The following DIAPH3 variants were observed in gnomAD, a reference collection of about 807,000 sequenced individuals.
DIAPH3 encodes the protein diaphanous related formin 3, also known as protein diaphanous homolog 3.
Under a neutral mutation model 144.3 loss-of-function variants are expected in DIAPH3, and 117 were observed. The ratio of observed to expected loss-of-function variants is 0.81; its 90% CI spans 0.70 to 0.95. DIAPH3 has a LOEUF of 0.95. Among genes scored for constraint, DIAPH3 ranks in the 40% least tolerant of loss-of-function variants. The pLI is 0.00. For missense variants in DIAPH3, 1,421 were observed against 1,412.7 expected, an observed-to-expected ratio of 1.01 and a Z score of -0.09; for synonymous variants, 519 against 488.9, an observed-to-expected ratio of 1.06 and a Z score of -0.81.
At position 59,969,938 on chromosome 13, in the gene DIAPH3, A is replaced by C; in HGVS notation, c.2074+6T>G. Reference sequence around the variant, plus strand: ...AATTAATAAATAATCAAGATGTTAAACTTACCTTTTTGTTGGCAACAAAAT... The same window carrying C: ...AATTAATAAATAATCAAGATGTTAACCTTACCTTTTTGTTGGCAACAAAAT... On this transcript the variant is annotated splice_donor_region_variant and intron_variant, in intron 17 of 27. Coordinates refer to ENST00000400324, the MANE Select transcript of DIAPH3 (RefSeq NM_001042517.2). The C allele has an allele frequency of 6.4e-7, 1 of 1,555,144 alleles. No individual in the cohort carries two copies.
intron 4 of DIAPH3, among the ~76,000 whole-genome samples, chr13:60,081,069 A>G (rs2057542522): frequency 6.6e-6 from 1 of 151,946 alleles, no homozygotes; most frequent in Non-Finnish European, 1.5e-5. Flanking sequence ...CAGTGCTTGA[A>G]GTGATTTCCT....
chr13:59,934,432 G>A (rs1011477310), intron 17 of DIAPH3, among the ~76,000 whole-genome samples: 1 of 151,964 alleles, frequency 6.6e-6, no homozygotes, highest in African/African-American at 2.4e-5. Flanking sequence ...ATGACACAGA[G>A]AGAAGATAAT....
At chr13:59,740,113 A>G (rs2036373964) in intron 27 of DIAPH3, among the ~76,000 whole-genome samples, 1 of 152,130 alleles carries the variant, frequency 6.6e-6, no homozygotes, top group Non-Finnish European at 1.5e-5. Flanking sequence ...CACCATTCAC[A>G]TTTTTGATAA....
At chr13:59,934,019 G>A (rs957280508) in intron 17 of DIAPH3, among the ~76,000 whole-genome samples, 2 of 151,928 alleles carry the variant, frequency 1.3e-5, no homozygotes, top group African/African-American at 4.8e-5. Flanking sequence ...CTTTTTAGGA[G>A]TAAGATTTCA....
intron 27 of DIAPH3, among the ~76,000 whole-genome samples, chr13:59,681,832 G>A (rs993679223): frequency 6.6e-6 from 1 of 152,142 alleles, no homozygotes; most frequent in Non-Finnish European, 1.5e-5. Context: ...GAGCTCTGAT[G>A]CAAGCTCAAG....
intron 4 of DIAPH3, among the ~76,000 whole-genome samples, chr13:60,086,074 C>T (rs2057737500): frequency 6.6e-6 from 1 of 151,888 alleles, no homozygotes; most frequent in Admixed American, 6.6e-5. Context: ...TTAAAAAACG[C>T]TATAATAAAA....
At chr13:59,916,793 C>A (rs547410519) in intron 18 of DIAPH3, among the ~76,000 whole-genome samples, 5 of 152,196 alleles carry the variant, frequency 3.3e-5, no homozygotes, top group South Asian at 2.1e-4. Context: ...GCTAGGGAAA[C>A]CTTCACATGT....
chr13:59,750,627 A>T (rs562353164), intron 27 of DIAPH3, among the ~76,000 whole-genome samples: 2 of 152,308 alleles, frequency 1.3e-5, no homozygotes, highest in East Asian at 3.9e-4. Context: ...TAAGGAGAGG[A>T]GGGAGTTACC....
At chr13:59,685,428 G>T (rs893727525) in intron 27 of DIAPH3, among the ~76,000 whole-genome samples, 3 of 152,100 alleles carry the variant, frequency 2.0e-5, no homozygotes, top group African/African-American at 4.8e-5. Context: ...CCAAGTTCTT[G>T]CTGGCTATCA....
intron 22 of DIAPH3, among the ~76,000 whole-genome samples, chr13:59,858,234 C>G (rs920137778): frequency 5.9e-5 from 9 of 151,978 alleles, no homozygotes; most frequent in Non-Finnish European, 8.8e-5. Flanking sequence ...TTTAAAAAAG[C>G]AATGCATAGA....
intron 4 of DIAPH3, among the ~76,000 whole-genome samples, chr13:60,093,365 A>C (rs1330473434): frequency 6.6e-6 from 1 of 152,224 alleles, no homozygotes; most frequent in Non-Finnish European, 1.5e-5. Context: ...TAATTCACTA[A>C]CAAGGAAAGG....
chr13:60,099,663 C>T (rs916239836), intron 3 of DIAPH3, among the ~76,000 whole-genome samples: 1 of 152,156 alleles, frequency 6.6e-6, no homozygotes, highest in Non-Finnish European at 1.5e-5. Context: ...GGACCACTCT[C>T]GGCTTGCCAG....
intron 1 of DIAPH3, among the ~76,000 whole-genome samples, chr13:60,161,983 C>G (rs1315503537): frequency 6.6e-6 from 1 of 152,112 alleles, no homozygotes; most frequent in Non-Finnish European, 1.5e-5. Flanking sequence ...AAATTAGTTT[C>G]AAAGTACCAA....
At chr13:60,083,005 C>T (rs2137819404) in intron 4 of DIAPH3, among the ~76,000 whole-genome samples, 1 of 152,070 alleles carries the variant, frequency 6.6e-6, no homozygotes, top group Middle Eastern at 3.4e-3. Flanking sequence ...ACAAAAAGAA[C>T]AGTAAGTATC....
At chr13:59,724,564 T>C (rs2035514146) in intron 27 of DIAPH3, among the ~76,000 whole-genome samples, 1 of 152,188 alleles carries the variant, frequency 6.6e-6, no homozygotes, top group African/African-American at 2.4e-5. Flanking sequence ...AAAAGCTCTA[T>C]TTCCTCTTTT....
At chr13:59,771,235 C>G (rs868033764) in intron 27 of DIAPH3, among the ~76,000 whole-genome samples, 1 of 152,056 alleles carries the variant, frequency 6.6e-6, no homozygotes, top group African/African-American at 2.4e-5. Flanking sequence ...AGACAACACA[C>G]AGACAGCAAA....
At chr13:59,792,660 T>G (rs1200514981) in intron 25 of DIAPH3, among the ~76,000 whole-genome samples, 1 of 152,214 alleles carries the variant, frequency 6.6e-6, no homozygotes, top group Non-Finnish European at 1.5e-5. Flanking sequence ...TCTCTTTTCC[T>G]GTCATCTACC....
At chr13:60,094,932 T>C (rs1029398996) in intron 3 of DIAPH3, among the ~76,000 whole-genome samples, 2 of 152,144 alleles carry the variant, frequency 1.3e-5, no homozygotes, top group African/African-American at 4.8e-5. Flanking sequence ...TGAATAAGTG[T>C]TTGTTTTGTT....
chr13:59,997,418 G>A (rs543418615), intron 9 of DIAPH3, among the ~76,000 whole-genome samples: 4 of 152,168 alleles, frequency 2.6e-5, no homozygotes, highest in African/African-American at 9.6e-5. Context: ...CAGTGAATAT[G>A]TACCACATTT....
Sources: gnomAD v4.1 joint callset for allele counts (sites outside exome capture counted in the v4.1 genomes callset) on GRCh38, gnomAD v4.1.1 for gene constraint, MANE v1.5 for transcripts, NCBI Gene and HGNC (gene_info 2026-07-23, HGNC 2026-07-21) for gene names.